The following AGPS variants were observed in gnomAD, a reference collection of about 807,000 sequenced individuals.
AGPS encodes alkyldihydroxyacetonephosphate synthase, peroxisomal.
In AGPS, 26 loss-of-function variants were observed where a neutral mutation model predicts 90.7. That is an observed-to-expected ratio of 0.29 (90% CI 0.21 to 0.40). The LOEUF is 0.40. AGPS is among the 10% of genes least tolerant of loss of function. The pLI is 1.00. For missense variants in AGPS, 540 were observed against 816.1 expected (o/e 0.66, Z 4.12); for synonymous variants, 294 against 285.3 (o/e 1.03, Z -0.31).
chr2:177,444,006 T>C (rs562320282), intron 7 of AGPS, among the ~76,000 whole-genome samples: 1 of 152,162 alleles, frequency 6.6e-6, no homozygotes, highest in South Asian at 2.1e-4. Flanking sequence ...GGAGAAGATA[T>C]ATATATAAGG....
intron 8 of AGPS, among the ~76,000 whole-genome samples, chr2:177,459,460 TAAAC>T (rs1687221094): frequency 6.6e-6 from 1 of 151,920 alleles, no homozygotes; most frequent in South Asian, 2.1e-4. Flanking sequence ...ACAAAGAACA[TAAAC>T]AAATTTACAA....
chr2:177,519,232 TG>T lies in AGPS; in HGVS notation c.1698-2036del, dbSNP rs199915415. 9.1e-3 allele frequency among the ~76,000 whole-genome samples: 1,393 copies of T among 152,326 alleles called. 19 individuals are homozygous for T. The highest frequency in any genetic ancestry group is 0.031 in the African/African-American group (1,298 of 41,572). On this transcript the variant is annotated intron_variant, in intron 17 of 19. Transcript: ENST00000264167. ...ATGTCTAGCTTTTTTTACTCTCCTT[TG>T]TTATCTCCTGGTTGATTTCTCCTAT... is the stretch of plus-strand genomic sequence containing the variant.
chr2:177,453,650 A>G (rs1687019339), intron 8 of AGPS, among the ~76,000 whole-genome samples: 1 of 151,158 alleles, frequency 6.6e-6, no homozygotes, highest in Non-Finnish European at 1.5e-5. Context: ...TCTTCTTTAT[A>G]ACTATAATAC....
intron 1 of AGPS, among the ~76,000 whole-genome samples, chr2:177,408,985 C>T (rs897541530): frequency 1.3e-5 from 2 of 152,072 alleles, no homozygotes; most frequent in Non-Finnish European, 2.9e-5. Context: ...AGTAAGTACC[C>T]AAGGTGATGT....
intron 5 of AGPS, among the ~76,000 whole-genome samples, chr2:177,438,649 G>A (rs1291080878): frequency 2.0e-5 from 3 of 151,852 alleles, no homozygotes; most frequent in Admixed American, 2.0e-4. Flanking sequence ...CATGTTTCTT[G>A]CCCCTTAAGC....
intron 12 of AGPS, 122 bp downstream of exon 12, chr2:177,493,321 A>C: frequency 1.2e-6 from 1 of 864,504 alleles, no homozygotes; most frequent in Non-Finnish European, 1.9e-6. Flanking sequence ...GGAAGATGTC[A>C]GTCTAATGAA....
At position 177,482,853 on chromosome 2, in the gene AGPS, G is replaced by A. The variant is rs77491745; in HGVS notation, c.1233+667G>A. 9.9e-4 allele frequency among the ~76,000 whole-genome samples: 150 copies of A among 152,124 alleles called. 3 individuals carry two copies. In the East Asian group the frequency reaches 0.023, roughly 24 times the overall value. ...TTATGTATTTAGTTCTGTCAGTATG[G>A]AAATTTCTACGTCTCTCTCGGCATT... On this transcript the variant is annotated intron_variant, in intron 11 of 19. Transcript: ENST00000264167.
intron 1 of AGPS, among the ~76,000 whole-genome samples, chr2:177,394,389 C>G (rs1685109726): frequency 6.6e-6 from 1 of 151,946 alleles, no homozygotes; most frequent in Non-Finnish European, 1.5e-5. Context: ...AATAGTTTGC[C>G]AAAGGGGGAA....
chr2:177,401,267 T>G (rs769339653), intron 1 of AGPS, among the ~76,000 whole-genome samples: 7 of 152,222 alleles, frequency 4.6e-5, no homozygotes, highest in Non-Finnish European at 1.0e-4. Context: ...TCATATCTCA[T>G]AGTGTTAACA....
In AGPS at chr2:177,393,000, C is replaced by A; in HGVS notation, c.211C>A (p.Pro71Thr). The A allele has an allele frequency of 6.5e-7, 1 of 1,550,254 alleles. No homozygotes were observed. The highest frequency in any genetic ancestry group is 8.7e-7 in the Non-Finnish European group (1 of 1,146,782). Residue 71 changes from proline to threonine, a missense_variant, in exon 1 of 20, where the codon CCC becomes ACC. This residue lies in a region of AGPS where 135 missense variants were observed against 124.0 expected (regional missense o/e 1.09). Transcript: ENST00000264167. Reference sequence around the variant, plus strand: ...AGCCGCGTCGGCGGCCACGGCAGCGCCCACGGCCACTCCCGCCGCGCAGGA... The same window carrying A: ...AGCCGCGTCGGCGGCCACGGCAGCGACCACGGCCACTCCCGCCGCGCAGGA... ...RRAASAATAAPTATPAAQESG... is the reference protein window; with the variant it reads ...RRAASAATAATTATPAAQESG...
At position 177,454,205 on chromosome 2, in the gene AGPS, A is replaced by G. The variant is rs1687044535; in HGVS notation, c.871-7688A>G. Among the ~76,000 whole-genome samples, 3 of 151,632 alleles carry G rather than the reference A, an allele frequency of 2.0e-5. No individual in the cohort carries two copies. In the South Asian group the frequency reaches 6.3e-4, roughly 32 times the overall value. On this transcript the variant is annotated intron_variant, in intron 8 of 19. Coordinates refer to ENST00000264167, the MANE Select transcript of AGPS (RefSeq NM_003659.4). ...CTCCCCGCTGACCTTTAGGGACTCTATTTACTCACTTATTAGGCTCTTTGA... is the reference window on the plus strand; with the variant it reads ...CTCCCCGCTGACCTTTAGGGACTCTGTTTACTCACTTATTAGGCTCTTTGA...
intron 1 of AGPS, among the ~76,000 whole-genome samples, chr2:177,393,784 G>C (rs868564158): frequency 2.1e-4 from 32 of 151,510 alleles, no homozygotes; most frequent in African/African-American, 7.3e-4. Context: ...TAGAGACAGG[G>C]TTTCACCGTG....
chr2:177,436,223 C>G (rs1161196302), intron 3 of AGPS, among the ~76,000 whole-genome samples: 4 of 136,932 alleles, frequency 2.9e-5, no homozygotes, highest in Non-Finnish European at 6.1e-5. Context: ...ACAATCTCGG[C>G]TCACTGCAAG....
At chr2:177,437,262 T>C (rs1348996283) in intron 5 of AGPS, among the ~76,000 whole-genome samples, 1 of 152,168 alleles carries the variant, frequency 6.6e-6, no homozygotes, top group East Asian at 1.9e-4. Context: ...TTGCTGATAA[T>C]TAAATCATCA....
chr2:177,535,698 A>G (rs1439826523), intron 19 of AGPS, among the ~76,000 whole-genome samples: 1 of 152,198 alleles, frequency 6.6e-6, no homozygotes, highest in African/African-American at 2.4e-5. Flanking sequence ...CTACCTGTAT[A>G]TGTATCCTGT....
intron 3 of AGPS, 105 bp downstream of exon 3, chr2:177,434,522 C>T (rs879722367): frequency 1.6e-5 from 14 of 890,248 alleles, no homozygotes; most frequent in Non-Finnish European, 2.5e-5. Context: ...CTGCAACTGT[C>T]ATGTTTTTTG....
At chr2:177,440,756 CT>C (rs1686579245) in intron 5 of AGPS, among the ~76,000 whole-genome samples, 1 of 152,044 alleles carries the variant, frequency 6.6e-6, no homozygotes, top group African/African-American at 2.4e-5. Flanking sequence ...AATTTTCGTA[CT>C]ATCTTTGTAA....
At chr2:177,394,211 T>C (rs1164438311) in intron 1 of AGPS, among the ~76,000 whole-genome samples, 1 of 152,206 alleles carries the variant, frequency 6.6e-6, no homozygotes, top group Non-Finnish European at 1.5e-5. Flanking sequence ...GTATTTACTC[T>C]TAAGGAAGGA....
intron 10 of AGPS, among the ~76,000 whole-genome samples, chr2:177,477,600 A>T (rs186569446): frequency 6.6e-6 from 1 of 152,306 alleles, no homozygotes; most frequent in Admixed American, 6.5e-5. Flanking sequence ...GATTTAAAAA[A>T]ATCCCAAATT....
Sources: gnomAD v4.1 joint callset for allele counts (sites outside exome capture counted in the v4.1 genomes callset) on GRCh38, gnomAD v4.1.1 for gene constraint, gnomAD v4.1.1 regional missense constraint, MANE v1.5 for transcripts, NCBI Gene and HGNC (gene_info 2026-07-23, HGNC 2026-07-21) for gene names.